PDE7B: variants seen among roughly 807,000 people sequenced by gnomAD.
The protein encoded by PDE7B is 3',5'-cyclic-AMP phosphodiesterase 7B.
In PDE7B, 29 loss-of-function variants were observed where a neutral mutation model predicts 56.2. The ratio of observed to expected loss-of-function variants is 0.52; its 90% CI spans 0.38 to 0.70. The LOEUF (loss-of-function observed/expected upper bound fraction) is 0.70. Ranked by LOEUF, PDE7B falls within the 30% of genes least tolerant of loss-of-function variation. PDE7B has a pLI of 0.00. For missense variants in PDE7B, 490 were observed against 565.0 expected (o/e 0.87, Z 1.35); for synonymous variants, 197 against 196.9 (o/e 1.00, Z 0.00).
intron 3 of PDE7B, among the ~76,000 whole-genome samples, chr6:136,130,623 G>A (rs1013157587): frequency 6.6e-6 from 1 of 152,176 alleles, no homozygotes; most frequent in Non-Finnish European, 1.5e-5. Flanking sequence ...CATAAGTAGT[G>A]AAGGGGATAA....
intron 2 of PDE7B, among the ~76,000 whole-genome samples, chr6:135,964,040 A>G (rs575232402): frequency 3.9e-5 from 6 of 152,198 alleles, no homozygotes; most frequent in African/African-American, 1.4e-4. Flanking sequence ...TTGTTCTCTC[A>G]TTGAAAAATT....
At chr6:135,959,016 T>C (rs1472324500) in intron 2 of PDE7B, among the ~76,000 whole-genome samples, 3 of 152,186 alleles carry the variant, frequency 2.0e-5, no homozygotes, top group Non-Finnish European at 4.4e-5. Flanking sequence ...ATTTGATTTG[T>C]AGTCAACATT....
intron 2 of PDE7B, among the ~76,000 whole-genome samples, chr6:136,005,235 T>C (rs1271113877): frequency 1.3e-5 from 2 of 152,202 alleles, no homozygotes; most frequent in African/African-American, 4.8e-5. Flanking sequence ...ATGTTAGACC[T>C]AAAACCGTAA....
intron 8 of PDE7B, among the ~76,000 whole-genome samples, chr6:136,170,742 C>T (rs1469219462): frequency 6.6e-6 from 1 of 152,112 alleles, no homozygotes; most frequent in African/African-American, 2.4e-5. Context: ...TGTACGGAGT[C>T]CTGAGGCATC....
Position 135,856,661 on chromosome 6 carries a change from C to T in PDE7B, c.21+4642C>T, listed in dbSNP as rs1180982478. Among the ~76,000 whole-genome samples, 6 of 152,046 alleles carry T rather than the reference C, an allele frequency of 3.9e-5. No individual in the cohort carries two copies. The East Asian group carries it at 1.2e-3, about 29-fold the overall frequency. On this transcript the variant is annotated intron_variant, in intron 1 of 12. Coordinates refer to ENST00000308191, the MANE Select transcript of PDE7B (RefSeq NM_018945.4). ...TGGCTCAGAGCATTCCAGCTGGTGT[C>T]TGCTCTGAGTGAGAGTTTACATTTA...
intron 2 of PDE7B, among the ~76,000 whole-genome samples, chr6:136,001,921 A>G (rs1346501719): frequency 2.0e-5 from 3 of 152,066 alleles, no homozygotes; most frequent in Non-Finnish European, 4.4e-5. Flanking sequence ...AGTTGAAATG[A>G]AGGAAAAAAT....
chr6:136,169,164 G>A (rs151031921), intron 8 of PDE7B, among the ~76,000 whole-genome samples: 159 of 152,170 alleles, frequency 1.0e-3, no homozygotes, highest in African/African-American at 3.7e-3. Flanking sequence ...ATTTAGATGA[G>A]GGCATGGAAA....
At chr6:135,998,290 G>GT (rs909918855) in intron 2 of PDE7B, among the ~76,000 whole-genome samples, 47 of 152,172 alleles carry the variant, frequency 3.1e-4, no homozygotes, top group African/African-American at 8.0e-4. Context: ...TTTTTACACA[G>GT]TTTTTTGTGT....
chr6:135,983,808 GC>G (rs912846732), intron 2 of PDE7B, among the ~76,000 whole-genome samples: 1 of 152,212 alleles, frequency 6.6e-6, no homozygotes, highest in Non-Finnish European at 1.5e-5. Flanking sequence ...ATTTGAAAAT[GC>G]TACAAGATTT....
At chr6:136,026,782 C>G (rs1417467060) in intron 2 of PDE7B, among the ~76,000 whole-genome samples, 1 of 152,140 alleles carries the variant, frequency 6.6e-6, no homozygotes, top group Non-Finnish European at 1.5e-5. Flanking sequence ...CATAAGCATT[C>G]AAAGGAAGTG....
intron 1 of PDE7B, among the ~76,000 whole-genome samples, chr6:135,910,951 T>G (rs1223444028): frequency 6.6e-6 from 1 of 152,204 alleles, no homozygotes; most frequent in Non-Finnish European, 1.5e-5. Flanking sequence ...TACATTCTGG[T>G]CTCAGAAGCA....
intron 3 of PDE7B, among the ~76,000 whole-genome samples, chr6:136,116,490 T>A (rs977421309): frequency 1.3e-5 from 2 of 152,230 alleles, no homozygotes; most frequent in Admixed American, 1.3e-4. Context: ...CAGACTGTGA[T>A]GGCTGTAGAG....
chr6:135,901,339 T>C (rs766492403), intron 1 of PDE7B, among the ~76,000 whole-genome samples: 3 of 152,178 alleles, frequency 2.0e-5, no homozygotes, highest in Non-Finnish European at 4.4e-5. Context: ...TTGACTATAG[T>C]GTATATGGGA....
chr6:136,088,913 T>C (rs903859532), intron 2 of PDE7B, among the ~76,000 whole-genome samples: 10 of 151,766 alleles, frequency 6.6e-5, no homozygotes, highest in African/African-American at 2.4e-4. Flanking sequence ...GGAAGCCAAG[T>C]AAATTGAAGG....
chr6:136,058,129 C>T (rs1002039933), intron 2 of PDE7B, among the ~76,000 whole-genome samples: 5 of 152,156 alleles, frequency 3.3e-5, no homozygotes, highest in African/African-American at 1.2e-4. Flanking sequence ...ACTGATCACT[C>T]TTGACAAGTG....
intron 1 of PDE7B, among the ~76,000 whole-genome samples, chr6:135,915,701 C>T (rs1396673553): frequency 6.6e-6 from 1 of 152,174 alleles, no homozygotes; most frequent in Non-Finnish European, 1.5e-5. Flanking sequence ...ATGCTCTGTC[C>T]AGTCAATTTC....
rs1360405726 is a variant in PDE7B, at chr6:136,147,415, A to T, written c.231A>T (p.Arg77Ser). Residue 77 changes from arginine (R) to serine (S), a missense_variant, in exon 4 of 13, where the codon AGA becomes AGT. Coordinates refer to ENST00000308191, the MANE Select transcript of PDE7B (RefSeq NM_018945.4). ...KKVKRLLSFQ[R>S]YFHASRLLRG... Reference sequence around the variant, plus strand: ...TGAAAAGACTATTAAGCTTTCAAAGATACTTCCATGCATCAAGGCTGCTTC... The same window carrying T: ...TGAAAAGACTATTAAGCTTTCAAAGTTACTTCCATGCATCAAGGCTGCTTC... The T allele has an allele frequency of 1.2e-6, 2 of 1,613,088 alleles. No homozygotes were observed. The highest frequency in any genetic ancestry group is 1.7e-6 in the Non-Finnish European group (2 of 1,179,066).
At chr6:136,183,976 C>T (rs1239734884) in intron 11 of PDE7B, among the ~76,000 whole-genome samples, 3 of 152,122 alleles carry the variant, frequency 2.0e-5, no homozygotes, top group Admixed American at 6.5e-5. Flanking sequence ...CTCCTCTCCC[C>T]GAAAAAACCT....
Position 136,145,015 on chromosome 6 carries a change from A to G in PDE7B, c.167-2336A>G, listed in dbSNP as rs1365395374. ...TGGGTAAATGCTTTGATATTGGGTAATTACCCCATTGCTTTTTAAACTTTC... is the reference window on the plus strand; with the variant it reads ...TGGGTAAATGCTTTGATATTGGGTAGTTACCCCATTGCTTTTTAAACTTTC... On this transcript the variant is annotated intron_variant, in intron 3 of 12. Transcript: ENST00000308191. Among the ~76,000 whole-genome samples, 3 of 152,014 alleles carry G rather than the reference A, an allele frequency of 2.0e-5. No homozygotes were observed. In the East Asian group the frequency reaches 5.8e-4, roughly 29 times the overall value.
Sources: gnomAD v4.1 joint callset for allele counts (sites outside exome capture counted in the v4.1 genomes callset) on GRCh38, gnomAD v4.1.1 for gene constraint, MANE v1.5 for transcripts, NCBI Gene and HGNC (gene_info 2026-07-23, HGNC 2026-07-21) for gene names.